ULK4: variants seen among roughly 807,000 people sequenced by gnomAD.
ULK4 encodes the protein unc-51 like kinase 4.
Under a neutral mutation model 160.6 loss-of-function variants are expected in ULK4, and 133 were observed. The ratio of observed to expected loss-of-function variants is 0.83; its 90% CI spans 0.72 to 0.96. The LOEUF (loss-of-function observed/expected upper bound fraction) is 0.96. ULK4 is among the 40% of genes least tolerant of loss of function. ULK4 has a pLI of 0.00. For missense variants in ULK4, 1,580 were observed against 1,499.5 expected, an observed-to-expected ratio of 1.05 and a Z score of -0.89; for synonymous variants, 534 against 539.8, an observed-to-expected ratio of 0.99 and a Z score of 0.15.
chr3:41,417,475 G>A (rs1026731847), intron 34 of ULK4, among the ~76,000 whole-genome samples: 3 of 152,162 alleles, frequency 2.0e-5, no homozygotes, highest in Non-Finnish European at 2.9e-5. Flanking sequence ...CAGGTATGAA[G>A]AGCTCACAGA....
intron 32 of ULK4, among the ~76,000 whole-genome samples, chr3:41,497,321 C>T (rs1255140508): frequency 2.0e-5 from 3 of 151,944 alleles, no homozygotes; most frequent in East Asian, 1.9e-4. Context: ...AATTGCTCAA[C>T]TTGAAGAAAA....
chr3:41,918,060 C>G (rs1472003143), intron 7 of ULK4, among the ~76,000 whole-genome samples: 1 of 151,898 alleles, frequency 6.6e-6, no homozygotes, highest in Non-Finnish European at 1.5e-5. Flanking sequence ...ATAAGGGTAG[C>G]ATTCTGATTC....
chr3:41,285,223 C>G (rs2079434612), intron 35 of ULK4, among the ~76,000 whole-genome samples: 1 of 152,196 alleles, frequency 6.6e-6, no homozygotes. Context: ...TTTGATCCAG[C>G]AATCCCACTA....
At chr3:41,382,512 T>G (rs964453105) in intron 35 of ULK4, among the ~76,000 whole-genome samples, 1 of 152,162 alleles carries the variant, frequency 6.6e-6, no homozygotes, top group African/African-American at 2.4e-5. Context: ...TAATTGTTAT[T>G]GCCAGTTTAA....
chr3:41,404,778 T>C (rs1307268489), intron 34 of ULK4, among the ~76,000 whole-genome samples: 1 of 152,140 alleles, frequency 6.6e-6, no homozygotes, highest in Non-Finnish European at 1.5e-5. Context: ...TGCACTTCCT[T>C]CATGTGATGC....
intron 32 of ULK4, among the ~76,000 whole-genome samples, chr3:41,475,298 G>A (rs2084106038): frequency 6.6e-6 from 1 of 152,132 alleles, no homozygotes. Context: ...AAAATACAAA[G>A]AAGCAGAGAG....
intron 17 of ULK4, among the ~76,000 whole-genome samples, chr3:41,850,004 T>C (rs1173872025): frequency 6.6e-6 from 1 of 152,136 alleles, no homozygotes; most frequent in East Asian, 1.9e-4. Flanking sequence ...ATGTTCCCCT[T>C]CCTGTGCCCA....
At chr3:41,518,406 TTTGCAATCTAAGTCA>T (rs1461952686) in intron 32 of ULK4, among the ~76,000 whole-genome samples, 1 of 152,162 alleles carries the variant, frequency 6.6e-6, no homozygotes, top group African/African-American at 2.4e-5. Context: ...CATAAAGACA[TTTGCAATCTAAGTCA>T]TCTCTTGACA....
rs149681888 is a variant in ULK4, at chr3:41,416,579, T to C, written c.3493-18315A>G. On this transcript the variant is annotated intron_variant, in intron 34 of 36. Transcript: ENST00000301831. ...CAACAGAAAAATGATCAAATTTCCATAGTGACATAGGCAATACTTAGTGAT... is the reference window on the plus strand; with the variant it reads ...CAACAGAAAAATGATCAAATTTCCACAGTGACATAGGCAATACTTAGTGAT... 3.0e-4 allele frequency among the ~76,000 whole-genome samples: 45 copies of C among 152,296 alleles called. 1 individual carries two copies. In the East Asian group the frequency reaches 5.8e-3, roughly 20 times the overall value.
intron 32 of ULK4, among the ~76,000 whole-genome samples, chr3:41,546,767 TAA>T (rs1158675738): frequency 1.4e-3 from 45 of 32,534 alleles, no homozygotes; most frequent in African/African-American, 3.1e-3. Flanking sequence ...CCTAGGCCCT[TAA>T]AAAAAAAAAA....
chr3:41,428,513 C>A (rs2082828823), intron 34 of ULK4, among the ~76,000 whole-genome samples: 1 of 152,152 alleles, frequency 6.6e-6, no homozygotes. Context: ...TACCTGACTT[C>A]AAACTATACT....
chr3:41,756,083 C>G (rs1329815062), intron 21 of ULK4, among the ~76,000 whole-genome samples: 1 of 152,188 alleles, frequency 6.6e-6, no homozygotes, highest in Non-Finnish European at 1.5e-5. Context: ...CTATTGCAAT[C>G]ATTCACACTG....
intron 32 of ULK4, among the ~76,000 whole-genome samples, chr3:41,545,766 C>T (rs1691957): frequency 0.51 from 77,610 of 151,958 alleles, 19,933 homozygotes; most frequent in Middle Eastern, 0.57. Flanking sequence ...ACAAGTATAT[C>T]AGAATCCTGG....
intron 23 of ULK4, 122 bp downstream of exon 23, chr3:41,717,606 A>G: frequency 8.1e-7 from 1 of 1,236,710 alleles, no homozygotes; most frequent in Non-Finnish European, 1.1e-6. Context: ...ATATTCGTTA[A>G]AAAGTGTCTG....
At chr3:41,948,526 T>G (rs943732183) in intron 2 of ULK4, among the ~76,000 whole-genome samples, 13 of 152,038 alleles carry the variant, frequency 8.6e-5, no homozygotes, top group African/African-American at 3.1e-4. Flanking sequence ...AAGCTAGATA[T>G]GTCAACAAAA....
Position 41,856,517 on chromosome 3 carries a change from ATAT to A in ULK4, c.1657-20549_1657-20547del, listed in dbSNP as rs1559610772. Among the ~76,000 whole-genome samples, 231 of 108,522 alleles carry A rather than the reference ATAT, an allele frequency of 2.1e-3. 1 individual carries two copies. The highest frequency in any genetic ancestry group is 0.017 in the African/African-American group (223 of 13,162). 71.2% of individuals were successfully genotyped at this position (108,522 alleles called of 152,430 possible). ...CATTAATAAATAAATAAATAAATAT[ATAT>A]ATATATATATATGTATGTATATATA... On this transcript the variant is annotated intron_variant, in intron 17 of 36. Transcript: ENST00000301831.
chr3:41,636,546 A>G (rs965038379), intron 30 of ULK4, among the ~76,000 whole-genome samples: 1 of 151,856 alleles, frequency 6.6e-6, no homozygotes, highest in Non-Finnish European at 1.5e-5. Flanking sequence ...AAGAAAAAAA[A>G]AAAAGAAAAG....
At chr3:41,304,280 A>G (rs1455353282) in intron 35 of ULK4, among the ~76,000 whole-genome samples, 1 of 151,568 alleles carries the variant, frequency 6.6e-6, no homozygotes, top group South Asian at 2.1e-4. Flanking sequence ...CCTCAAAAAA[A>G]AAAAAAAAAA....
chr3:41,383,580 G>A (rs959097862), intron 35 of ULK4, among the ~76,000 whole-genome samples: 1 of 152,138 alleles, frequency 6.6e-6, no homozygotes, highest in African/African-American at 2.4e-5. Context: ...TGATTACTAA[G>A]CATCAGGAAA....
Sources: allele counts gnomAD v4.1 joint callset (sites outside exome capture counted in the v4.1 genomes callset), GRCh38; gene constraint gnomAD v4.1.1; transcripts MANE v1.5; gene names NCBI Gene and HGNC (gene_info 2026-07-23, HGNC 2026-07-21).